The following SLC1A5 variants were observed in gnomAD, a reference collection of about 807,000 sequenced individuals.
SLC1A5 encodes solute carrier family 1 member 5, also known as neutral amino acid transporter B(0).
Under a neutral mutation model 34.9 loss-of-function variants are expected in SLC1A5, and 25 were observed. That is an observed-to-expected ratio of 0.72 (90% CI 0.52 to 1.00). SLC1A5 has a LOEUF of 1.00. SLC1A5 is among the 50% of genes least tolerant of loss of function. SLC1A5 has a pLI of 0.00. For missense variants in SLC1A5, 637 were observed against 740.0 expected (o/e 0.86, Z 1.61); for synonymous variants, 351 against 341.2 (o/e 1.03, Z -0.32).
chr19:46,783,527 C>T (rs2055164075), intron 3 of SLC1A5, among the ~76,000 whole-genome samples: 2 of 151,910 alleles, frequency 1.3e-5, no homozygotes, highest in South Asian at 4.2e-4. Flanking sequence ...GGAGCAGTGC[C>T]TCACGCCTGT....
At chr19:46,781,131 T>C (rs956444015) in intron 4 of SLC1A5, among the ~76,000 whole-genome samples, 4 of 152,234 alleles carry the variant, frequency 2.6e-5, no homozygotes, top group African/African-American at 4.8e-5. Flanking sequence ...ATGAGTCAGA[T>C]TGCAGATTAC....
intron 2 of SLC1A5, 54 bp downstream of exon 2, chr19:46,784,463 C>A (rs1568430565): frequency 1.2e-6 from 2 of 1,604,216 alleles, no homozygotes; most frequent in East Asian, 4.5e-5. Flanking sequence ...CTCCCCCTGG[C>A]TGGCATCCCT....
chr19:46,788,033 C>T lies in SLC1A5; in HGVS notation c.-68G>A. 2 of 1,422,096 alleles carry T rather than the reference C, an allele frequency of 1.4e-6. No homozygotes were observed. Among genetic ancestry groups the T allele is most frequent in the Non-Finnish European group, 1.9e-6 (2 of 1,070,094 alleles). 88.1% of individuals were successfully genotyped at this position (1,422,096 alleles called of 1,614,324 possible). On this transcript the variant is annotated 5_prime_UTR_variant, in exon 1 of 8. Coordinates refer to ENST00000542575, the MANE Select transcript of SLC1A5 (RefSeq NM_005628.3). The stretch of plus-strand genomic sequence containing the variant: ...GGAGCGCTTGGGCTCCTTCCCAGGA[C>T]CCGACGTTCCTAGGACTGAGTTGAG...
chr19:46,784,753 G>T (rs1441020857), intron 1 of SLC1A5, 194 bp from the exon 2 acceptor site: 2 of 1,465,400 alleles, frequency 1.4e-6, no homozygotes, highest in Non-Finnish European at 9.0e-7. Context: ...GACTTGGGGA[G>T]TCAGCCTCCT....
At position 46,787,671 on chromosome 19, in the gene SLC1A5, G is replaced by A. The variant is rs1292900282; in HGVS notation, c.295C>T (p.Leu99=). Residue 99 remains leucine (L), a synonymous_variant, in exon 1 of 8, where the codon CTG becomes TTG. Transcript: ENST00000542575. This position sits in a 1 kb window ranked among gnomAD's most constrained non-coding sequence, Gnocchi z 5.2. ...FVFPGELLLR[L]LRMIILPLVV... is the part of the protein sequence containing the mutation. ...AGCGGCAAGATGATCATCCGCAGCA[G>A]ACGCAGCAGCAGCTCGCCCGGGAAG... is the stretch of plus-strand genomic sequence containing the variant. 6.3e-7 allele frequency: 1 copy of A among 1,592,858 alleles called. No individual in the cohort carries two copies. The highest frequency in any genetic ancestry group is 1.3e-5 in the African/African-American group (1 of 74,830).
chr19:46,786,035 G>A (rs1434502231), intron 1 of SLC1A5, among the ~76,000 whole-genome samples: 1 of 147,152 alleles, frequency 6.8e-6, no homozygotes, highest in Non-Finnish European at 1.5e-5. Flanking sequence ...ACTCCAGCCT[G>A]AGCAACAGAG....
Position 46,777,290 on chromosome 19 carries a change from G to T in SLC1A5, c.1174C>A (p.Leu392Ile). 6.2e-7 allele frequency: 1 copy of T among 1,613,776 alleles called. No homozygotes were observed. Among genetic ancestry groups the T allele is most frequent in the Middle Eastern group, 1.7e-4 (1 of 6,058 alleles). The change falls in exon 6 of 8, where the codon CTC becomes ATC. Residue 392 changes from leucine to isoleucine, a missense_variant. Physicochemically the swap from Leu to Ile is conservative, Grantham distance 5. Coordinates refer to ENST00000542575, the MANE Select transcript of SLC1A5 (RefSeq NM_005628.3). ...AACACTGCGGCCACGCACTGGAAGAGCGCGGCACCGTCCATGTTGACGGTG... is the reference window on the plus strand; with the variant it reads ...AACACTGCGGCCACGCACTGGAAGATCGCGGCACCGTCCATGTTGACGGTG... The part of the protein sequence containing the change: ...GATVNMDGAA[L>I]FQCVAAVFIA...
intron 4 of SLC1A5, among the ~76,000 whole-genome samples, chr19:46,781,960 C>A (rs1294478186): frequency 6.6e-6 from 1 of 152,148 alleles, no homozygotes; most frequent in Admixed American, 6.6e-5. Context: ...GTGGCATGAT[C>A]TCCGCTTACT....
chr19:46,785,577 G>A (rs2055180536), intron 1 of SLC1A5, among the ~76,000 whole-genome samples: 1 of 152,188 alleles, frequency 6.6e-6, no homozygotes, highest in South Asian at 2.1e-4. Context: ...TAGCAGAGCT[G>A]GGATTTGAAC....
chr19:46,788,211 A>C lies in SLC1A5; in HGVS notation c.-246T>G. The C allele has an allele frequency of 2.2e-6, 1 of 464,450 alleles. No homozygotes were observed. The highest frequency in any genetic ancestry group is 3.8e-6 in the Non-Finnish European group (1 of 265,770). 28.8% of individuals were successfully genotyped at this position (464,450 alleles called of 1,614,324 possible). A position where few individuals can be genotyped will look rare whatever the true frequency, so the allele number is the denominator to read the frequency against. On this transcript the variant is annotated 5_prime_UTR_variant, in exon 1 of 8. Coordinates refer to ENST00000542575, the MANE Select transcript of SLC1A5 (RefSeq NM_005628.3). ...TCTGCCCCGTGTGCCAGATGTCCGA[A>C]AGCTGGGAGTTCGGAGCGCCCGGGT...
chr19:46,783,481 A>AG (rs1555742852), intron 3 of SLC1A5, among the ~76,000 whole-genome samples: 1 of 140,212 alleles, frequency 7.1e-6, no homozygotes, highest in Non-Finnish European at 1.6e-5. Context: ...AAAAAAAAAA[A>AG]AAAGAAAGAA....
rs2055082217 is a variant in SLC1A5 at position 46,775,705 on chromosome 19, C to T, written c.1431G>A (p.Leu477=). The T allele has an allele frequency of 2.5e-6, 4 of 1,613,954 alleles. No individual in the cohort carries two copies. Among genetic ancestry groups the T allele is most frequent in the Admixed American group, 3.3e-5 (2 of 59,970 alleles). ...CGTAATTTTGGAGGAGTCCTGCCCC[C>T]AGAGCGTCACCTTCTACATTGAGGA... ...CTVLNVEGDA[L]GAGLLQNYVD... The change falls in exon 8 of 8, where the codon CTG becomes CTA. Residue 477 remains leucine (L), a synonymous_variant. Coordinates refer to ENST00000542575, the MANE Select transcript of SLC1A5 (RefSeq NM_005628.3).
chr19:46,782,346 A>ACCCCCCCCCCCCCCCCCCCCCCCACAAC, intron 4 of SLC1A5, 37 bp downstream of exon 4: 1 of 567,986 alleles, frequency 1.8e-6, no homozygotes, highest in Non-Finnish European at 3.2e-6. Flanking sequence ...CGACCCTCCA[A>ACCCCCCCCCCCCCCCCCCCCCCCACAAC]CCCCACCCAC....
Position 46,787,684 on chromosome 19 carries a change from C to G in SLC1A5, c.282G>C (p.Glu94Asp). ...TCATCCGCAGCAGACGCAGCAGCAG[C>G]TCGCCCGGGAAGACGAAGGCGCTCA... ...ERLSAFVFPG[E>D]LLLRLLRMII... is the part of the protein sequence containing the mutation. The change falls in exon 1 of 8, where the codon GAG (glutamate) becomes GAC (aspartate). Residue 94 changes from glutamate (E) to aspartate (D), a missense_variant. Transcript: ENST00000542575. This position sits in a 1 kb window ranked among gnomAD's most constrained non-coding sequence, Gnocchi z 5.2. 1 of 1,591,958 alleles carries G rather than the reference C, an allele frequency of 6.3e-7. No homozygotes were observed. Among genetic ancestry groups the G allele is most frequent in the Non-Finnish European group, 8.5e-7 (1 of 1,173,356 alleles).
At chr19:46,776,094 A>T (rs1048757539) in intron 7 of SLC1A5, among the ~76,000 whole-genome samples, 4 of 152,014 alleles carry the variant, frequency 2.6e-5, no homozygotes, top group Non-Finnish European at 4.4e-5. Flanking sequence ...TCGAAAAAAA[A>T]TTATAATTCA....
Position 46,787,754 on chromosome 19 carries a change from C to T in SLC1A5, c.212G>A (p.Gly71Glu). Residue 71 changes from glycine (G) to glutamate (E), a missense_variant, in exon 1 of 8, where the codon GGG (glycine) becomes GAG (glutamate). Physicochemically the swap from Gly to Glu is moderately conservative, Grantham distance 98. Coordinates refer to ENST00000542575, the MANE Select transcript of SLC1A5 (RefSeq NM_005628.3). This position sits in a 1 kb window ranked among gnomAD's most constrained non-coding sequence, Gnocchi z 5.2. ...AVVAGVALGL[G>E]VSGAGGALAL... ...CAGCGCACCCCCGGCCCCCGACACC[C>T]CCAGTCCCAGCGCCACGCCGGCCAC... 1 of 1,552,450 alleles carries T rather than the reference C, an allele frequency of 6.4e-7. No homozygotes were observed. Among genetic ancestry groups the T allele is most frequent in the South Asian group, 1.2e-5 (1 of 85,284 alleles).
intron 3 of SLC1A5, among the ~76,000 whole-genome samples, chr19:46,783,706 G>C (rs2055165259): frequency 6.6e-6 from 1 of 152,164 alleles, no homozygotes; most frequent in African/African-American, 2.4e-5. Flanking sequence ...AGGATCACTT[G>C]AGCCCAGGAG....
In SLC1A5 at chr19:46,788,052, A is replaced by G. The variant is rs1282251396; in HGVS notation, c.-87T>C. 1.2e-5 allele frequency: 15 copies of G among 1,293,116 alleles called. No homozygotes were observed. The highest frequency in any genetic ancestry group is 1.6e-5 in the Non-Finnish European group (15 of 957,900). The allele number at this position is 1,293,116 out of a possible 1,614,324, so 80.1% of individuals were successfully genotyped here. On this transcript the variant is annotated 5_prime_UTR_variant, in exon 1 of 8. Coordinates refer to ENST00000542575, the MANE Select transcript of SLC1A5 (RefSeq NM_005628.3). The stretch of plus-strand genomic sequence containing the variant: ...CCAGGACCCGACGTTCCTAGGACTG[A>G]GTTGAGTAACAGCACCTGGAGACTG...
rs2055071618 is a variant in SLC1A5, at chr19:46,775,032, AT to A, written c.*477del. 1 of 986,740 alleles carries A rather than the reference AT, an allele frequency of 1.0e-6. No individual in the cohort carries two copies. The highest frequency in any genetic ancestry group is 6.2e-5 in the Admixed American group (1 of 16,212). 61.1% of individuals were successfully genotyped at this position (986,740 alleles called of 1,614,324 possible). On this transcript the variant is annotated 3_prime_UTR_variant, in exon 8 of 8. Transcript: ENST00000542575. ...ATCTGGGGACAGGGTGGGACGTACC[AT>A]GGGGACAGGAGGTCACAGAACACAC...
Sources: allele counts gnomAD v4.1 joint callset (sites outside exome capture counted in the v4.1 genomes callset), GRCh38; gene constraint gnomAD v4.1.1; non-coding constraint Gnocchi (gnomAD v3.1); transcripts MANE v1.5; gene names NCBI Gene and HGNC (gene_info 2026-07-23, HGNC 2026-07-21).